ATRNL1: variants seen among roughly 807,000 people sequenced by gnomAD.
The protein encoded by ATRNL1 is attractin like 1.
A neutral mutation model predicts 182.7 loss-of-function variants in ATRNL1; 95 were observed. The ratio of observed to expected loss-of-function variants is 0.52; its 90% CI spans 0.44 to 0.62. The LOEUF (loss-of-function observed/expected upper bound fraction) is 0.62, where lower values mean the gene tolerates loss of function less well. ATRNL1 is among the 20% of genes least tolerant of loss of function. The pLI is 0.00. For synonymous variants in ATRNL1, 576 were observed against 568.3 expected (o/e 1.01, Z -0.19); for missense variants, 1,471 against 1,679.5 (o/e 0.88, Z 2.17).
At chr10:115,797,288 TA>T (rs1949676471) in intron 27 of ATRNL1, among the ~76,000 whole-genome samples, 1 of 152,192 alleles carries the variant, frequency 6.6e-6, no homozygotes, top group Non-Finnish European at 1.5e-5. Context: ...AATAGGCCTT[TA>T]AAAGTCCTAA....
intron 25 of ATRNL1, among the ~76,000 whole-genome samples, chr10:115,546,142 G>T (rs571959583): frequency 6.6e-6 from 1 of 152,220 alleles, no homozygotes; most frequent in African/African-American, 2.4e-5. Flanking sequence ...GGTTCAGCTT[G>T]GACATGGTAG....
At chr10:115,807,544 A>G (rs1245725534) in intron 27 of ATRNL1, among the ~76,000 whole-genome samples, 1 of 152,216 alleles carries the variant, frequency 6.6e-6, no homozygotes, top group Non-Finnish European at 1.5e-5. Flanking sequence ...GAAGAATGTT[A>G]GCAATTGACC....
chr10:115,567,207 G>A (rs111261357), intron 26 of ATRNL1, among the ~76,000 whole-genome samples: 2 of 152,044 alleles, frequency 1.3e-5, no homozygotes, highest in African/African-American at 4.8e-5. Flanking sequence ...ATGTAGCTAG[G>A]TGATTATTAT....
At chr10:115,530,946 A>G (rs1313324824) in intron 25 of ATRNL1, among the ~76,000 whole-genome samples, 1 of 151,908 alleles carries the variant, frequency 6.6e-6, no homozygotes, top group Non-Finnish European at 1.5e-5. Flanking sequence ...TGTCCCTACA[A>G]AGGGCATGAA....
chr10:115,704,783 T>A (rs1946846002), intron 26 of ATRNL1, among the ~76,000 whole-genome samples: 1 of 151,958 alleles, frequency 6.6e-6, no homozygotes, highest in Admixed American at 6.6e-5. Flanking sequence ...ATATTGACTG[T>A]TCTATGCTAT....
intron 22 of ATRNL1, 111 bp from the exon 23 acceptor site, chr10:115,467,063 A>G (rs1424874880): frequency 1.6e-6 from 1 of 624,562 alleles, no homozygotes; most frequent in Admixed American, 3.2e-5. Flanking sequence ...GAATATTTAC[A>G]AAATCTATAG....
At chr10:115,896,393 T>C (rs2134476604) in intron 28 of ATRNL1, among the ~76,000 whole-genome samples, 1 of 151,644 alleles carries the variant, frequency 6.6e-6, no homozygotes, top group South Asian at 2.1e-4. Context: ...CTGAATTTTT[T>C]CCGAAGCAAG....
intron 19 of ATRNL1, among the ~76,000 whole-genome samples, chr10:115,351,894 T>C (rs1856275824): frequency 6.6e-6 from 1 of 152,178 alleles, no homozygotes; most frequent in South Asian, 2.1e-4. Flanking sequence ...GTAGAATTTG[T>C]TAGTTCTTCT....
At chr10:115,451,603 A>G (rs1167809656) in intron 21 of ATRNL1, among the ~76,000 whole-genome samples, 4 of 152,154 alleles carry the variant, frequency 2.6e-5, no homozygotes, top group Admixed American at 1.3e-4. Context: ...TAAAAAGTAA[A>G]AAAATAACAG....
Position 115,120,215 on chromosome 10 carries a change from T to A in ATRNL1, c.324T>A (p.Asp108Glu). The change falls in exon 2 of 29, where the codon GAT becomes GAA. Residue 108 changes from aspartate to glutamate, a missense_variant. By Grantham distance (45) the Asp-to-Glu change is conservative. This residue lies in a region of ATRNL1 where 1,031 missense variants were observed against 1,156.0 expected (regional missense o/e 0.89). Transcript: ENST00000355044. ...KLTEPSGYLT[D>E]GPINYKYKTK... The stretch of plus-strand genomic sequence containing the variant: ...CAGAACCTTCTGGATATTTAACAGA[T>A]GGCCCAATTAACTATAAATATAAAA... The A allele has an allele frequency of 6.3e-7, 1 of 1,576,674 alleles. No individual in the cohort carries two copies.
intron 26 of ATRNL1, among the ~76,000 whole-genome samples, chr10:115,705,702 A>G (rs554927202): frequency 8.5e-5 from 13 of 152,070 alleles, no homozygotes; most frequent in African/African-American, 2.4e-4. Context: ...TGCATGTCCT[A>G]TAAGATTACT....
At chr10:115,871,467 C>CCATATATATATATA (rs1951578505) in intron 28 of ATRNL1, among the ~76,000 whole-genome samples, 2 of 16,544 alleles carry the variant, frequency 1.2e-4, no homozygotes, top group African/African-American at 1.7e-4. Context: ...TGGTCAGATT[C>CCATATATATATATA]TTTGTGTGTG....
At chr10:115,535,763 T>C (rs1211807256) in intron 25 of ATRNL1, among the ~76,000 whole-genome samples, 3 of 152,168 alleles carry the variant, frequency 2.0e-5, no homozygotes, top group African/African-American at 7.2e-5. Flanking sequence ...TCTATGATGA[T>C]GGTGATGTAC....
intron 8 of ATRNL1, among the ~76,000 whole-genome samples, chr10:115,195,815 A>T (rs1848337836): frequency 6.6e-6 from 1 of 152,002 alleles, no homozygotes; most frequent in African/African-American, 2.4e-5. Context: ...ATGAATTACC[A>T]CTTATTATTA....
chr10:115,927,596 G>A (rs1555120627), intron 28 of ATRNL1, among the ~76,000 whole-genome samples: 2 of 151,988 alleles, frequency 1.3e-5, no homozygotes, highest in African/African-American at 4.8e-5. Flanking sequence ...AAAGTTTGAA[G>A]CTTAATAAAT....
At chr10:115,669,079 A>T (rs1279341038) in intron 26 of ATRNL1, among the ~76,000 whole-genome samples, 2 of 152,122 alleles carry the variant, frequency 1.3e-5, no homozygotes, top group Admixed American at 6.6e-5. Context: ...TAAATATCTG[A>T]CACCACATTG....
At chr10:115,103,573 A>T (rs1170379535) in intron 1 of ATRNL1, among the ~76,000 whole-genome samples, 1 of 152,188 alleles carries the variant, frequency 6.6e-6, no homozygotes, top group Non-Finnish European at 1.5e-5. Context: ...ACAATGCCTA[A>T]TAACCACATC....
intron 20 of ATRNL1, among the ~76,000 whole-genome samples, chr10:115,425,867 A>G (rs1167820043): frequency 6.6e-6 from 1 of 152,080 alleles, no homozygotes; most frequent in Non-Finnish European, 1.5e-5. Context: ...GGATTTATGA[A>G]TTCCCTGAAT....
At chr10:115,142,000 A>G (rs1845770756) in intron 5 of ATRNL1, among the ~76,000 whole-genome samples, 1 of 152,114 alleles carries the variant, frequency 6.6e-6, no homozygotes, top group African/African-American at 2.4e-5. Flanking sequence ...GCTTCTATTA[A>G]GTGCTAGAGA....
Sources: allele counts gnomAD v4.1 joint callset (sites outside exome capture counted in the v4.1 genomes callset), GRCh38; gene constraint gnomAD v4.1.1; regional missense constraint gnomAD v4.1.1; transcripts MANE v1.5; gene names NCBI Gene and HGNC (gene_info 2026-07-23, HGNC 2026-07-21).